Variants in CRYBB2 observed in about 807,000 individuals in gnomAD.
CRYBB2 encodes crystallin beta B2.
Under a neutral mutation model 24.3 loss-of-function variants are expected in CRYBB2, and 12 were observed. That is an observed-to-expected ratio of 0.49 (90% CI 0.32 to 0.80). CRYBB2 has a LOEUF of 0.80. Among genes scored for constraint, CRYBB2 ranks in the 30% least tolerant of loss-of-function variants. The probability of loss-of-function intolerance (pLI) is 0.04; values close to 1 mark genes in which losing one functional copy is unlikely to be tolerated. For missense variants in CRYBB2, 198 were observed against 268.5 expected (o/e 0.74, Z 1.83); for synonymous variants, 98 against 101.6 (o/e 0.96, Z 0.21).
At chr22:25,226,168 CTG>C (rs3064285) in intron 3 of CRYBB2, among the ~76,000 whole-genome samples, 9,249 of 149,002 alleles carry the variant, frequency 0.062, 743 homozygotes, top group African/African-American at 0.19. Flanking sequence ...TTGGATTTCT[CTG>C]TGTGTGTGTG....
At chr22:25,218,829 A>AG (rs1935268565), upstream of CRYBB2, among the ~76,000 whole-genome samples, 1 of 113,574 alleles carries the variant, frequency 8.8e-6, no homozygotes, top group Admixed American at 8.0e-5. Flanking sequence ...AAAGAAAGAA[A>AG]GAAAGAAAGA....
At chr22:25,218,383 G>A (rs924359312), upstream of CRYBB2, among the ~76,000 whole-genome samples, 31 of 151,982 alleles carry the variant, frequency 2.0e-4, no homozygotes, top group African/African-American at 6.5e-4. Context: ...CAGGCCGGGT[G>A]CAGTGGCTCA....
chr22:25,225,174 C>T (rs1214078615), intron 3 of CRYBB2, 138 bp downstream of exon 3: 1 of 727,430 alleles, frequency 1.4e-6, no homozygotes, highest in Non-Finnish European at 2.5e-6. Flanking sequence ...GGAGATAATT[C>T]ATGCTTTGCA....
chr22:25,229,498 A>T lies in CRYBB2; in HGVS notation c.369A>T (p.Glu123Asp). ...ENPNFTGKKM[E>D]IIDDDVPSFH... Reference sequence around the variant, plus strand: ...CCAACTTCACCGGGAAGAAGATGGAAATCATAGATGACGATGTACCCAGCT... The same window carrying T: ...CCAACTTCACCGGGAAGAAGATGGATATCATAGATGACGATGTACCCAGCT... The change falls in exon 5 of 6, where the codon GAA becomes GAT. Residue 123 changes from glutamate to aspartate, a missense_variant. Transcript: ENST00000398215. 6.2e-7 allele frequency: 1 copy of T among 1,614,034 alleles called. No homozygotes were observed. The highest frequency in any genetic ancestry group is 8.5e-7 in the Non-Finnish European group (1 of 1,179,972).
In CRYBB2 at chr22:25,231,712, C is replaced by G; in HGVS notation, c.558C>G (p.Ser186=). Residue 186 remains serine (S), a synonymous_variant, in exon 6 of 6, where the codon TCC becomes TCG. Transcript: ENST00000398215. The part of the protein sequence containing the change: ...DFGAPHPQVQ[S]VRRIRDMQWH... ...GGGCCCCTCACCCCCAGGTGCAGTC[C>G]GTGCGCCGTATCCGCGACATGCAGT... The G allele has an allele frequency of 6.2e-7, 1 of 1,614,148 alleles. No homozygotes were observed. The highest frequency in any genetic ancestry group is 2.2e-5 in the East Asian group (1 of 44,872).
chr22:25,223,306 G>A lies in CRYBB2; in HGVS notation c.55-1612G>A, dbSNP rs183495345. Among the ~76,000 whole-genome samples the A allele has an allele frequency of 2.4e-3, 372 of 152,274 alleles. 1 individual carries two copies. Among genetic ancestry groups the A allele is most frequent in the Non-Finnish European group, 3.8e-3 (259 of 68,016 alleles). On this transcript the variant is annotated intron_variant, in intron 2 of 5. Transcript: ENST00000398215. ...AATTTCAGCTCTTCCACTTATTCACGTGGGATCTGTAGCATGTCTTTTAAT... is the reference window on the plus strand; with the variant it reads ...AATTTCAGCTCTTCCACTTATTCACATGGGATCTGTAGCATGTCTTTTAAT...
intron 1 of CRYBB2, among the ~76,000 whole-genome samples, chr22:25,214,400 A>T (rs1346945198): frequency 2.0e-5 from 3 of 152,186 alleles, no homozygotes; most frequent in African/African-American, 7.2e-5. Flanking sequence ...AGTTGCACCA[A>T]GGTGGGGACC....
intron 3 of CRYBB2, among the ~76,000 whole-genome samples, chr22:25,226,980 C>CAACT: frequency 6.6e-6 from 1 of 152,290 alleles, no homozygotes; most frequent in African/African-American, 2.4e-5. Context: ...AGCCCCTTGA[C>CAACT]AACTGTTTTT....
upstream of CRYBB2, among the ~76,000 whole-genome samples, chr22:25,218,220 C>T (rs1432866909): frequency 2.1e-4 from 31 of 150,694 alleles, no homozygotes; most frequent in Middle Eastern, 7.0e-3. Context: ...GATCGTGCCA[C>T]TGCACTCCAG....
Position 25,227,476 on chromosome 22 carries a change from G to A in CRYBB2, c.174-377G>A, listed in dbSNP as rs112209932. On this transcript the variant is annotated intron_variant, in intron 3 of 5. Coordinates refer to ENST00000398215, the MANE Select transcript of CRYBB2 (RefSeq NM_000496.3). ...GCCACAGTGGGAGCATTTACACCAT[G>A]GAAATTGGCAAACGCTACAAATCAA... 4.9e-3 allele frequency among the ~76,000 whole-genome samples: 735 copies of A among 151,390 alleles called. 15 individuals are homozygous for A. Among genetic ancestry groups the A allele is most frequent in the African/African-American group, 0.017 (681 of 41,240 alleles).
chr22:25,216,418 G>A (rs539989167), upstream of CRYBB2, among the ~76,000 whole-genome samples: 2 of 152,268 alleles, frequency 1.3e-5, no homozygotes, highest in East Asian at 1.9e-4. Context: ...AAGATACAGG[G>A]AGAAGACAGT....
intron 2 of CRYBB2, among the ~76,000 whole-genome samples, chr22:25,224,123 C>CA (rs747390495): frequency 0.11 from 7,064 of 61,940 alleles, 542 homozygotes; most frequent in African/African-American, 0.26. Context: ...GACTCCGTCT[C>CA]AAAAAAAAAA....
intron 2 of CRYBB2, among the ~76,000 whole-genome samples, chr22:25,222,681 A>G (rs374388537): frequency 1.9e-4 from 29 of 152,376 alleles, no homozygotes; most frequent in African/African-American, 6.3e-4. Context: ...TTTGGAAAAA[A>G]GCAAGAAGCT....
At chr22:25,216,749 G>A (rs564242022), upstream of CRYBB2, among the ~76,000 whole-genome samples, 2 of 152,176 alleles carry the variant, frequency 1.3e-5, no homozygotes, top group East Asian at 3.9e-4. Flanking sequence ...ATCCCAAACA[G>A]AAACTCTGTA....
chr22:25,226,028 AAATATAACATTT>A (rs1478299654), intron 3 of CRYBB2, among the ~76,000 whole-genome samples: 4 of 152,234 alleles, frequency 2.6e-5, no homozygotes, highest in Non-Finnish European at 5.9e-5. Context: ...CTTTTTTAAA[AAATATAACATTT>A]AGTATTTTTA....
At chr22:25,228,984 A>G (rs1000181058) in intron 4 of CRYBB2, among the ~76,000 whole-genome samples, 14 of 149,248 alleles carry the variant, frequency 9.4e-5, no homozygotes, top group African/African-American at 3.2e-4. Flanking sequence ...GTGTGCACGC[A>G]TGTGTGGGTG....
intron 1 of CRYBB2, among the ~76,000 whole-genome samples, chr22:25,220,514 G>A (rs1056015018): frequency 2.0e-5 from 3 of 152,214 alleles, no homozygotes; most frequent in African/African-American, 7.2e-5. Context: ...GGTTTCTTGC[G>A]GGAGAGCAGT....
At chr22:25,212,315 G>A (rs1935116070), upstream of CRYBB2, among the ~76,000 whole-genome samples, 1 of 152,192 alleles carries the variant, frequency 6.6e-6, no homozygotes, top group Non-Finnish European at 1.5e-5. Context: ...AGGCTACATG[G>A]CCACACTCAG....
upstream of CRYBB2, among the ~76,000 whole-genome samples, chr22:25,215,248 G>A (rs113618850): frequency 5.1e-4 from 78 of 152,354 alleles, 1 homozygote; most frequent in Middle Eastern, 3.4e-3. Flanking sequence ...CACCTGGCCC[G>A]CCCATGGTGG....
Sources: allele counts gnomAD v4.1 joint callset (sites outside exome capture counted in the v4.1 genomes callset), GRCh38; gene constraint gnomAD v4.1.1; transcripts MANE v1.5; gene names NCBI Gene and HGNC (gene_info 2026-07-23, HGNC 2026-07-21).